The following KHDRBS3 variants were observed in gnomAD, a reference collection of about 807,000 sequenced individuals.
KHDRBS3 encodes KH domain-containing, RNA-binding, signal transduction-associated protein 3.
A neutral mutation model predicts 45.6 loss-of-function variants in KHDRBS3; 23 were observed. The ratio of observed to expected loss-of-function variants is 0.50; its 90% CI spans 0.36 to 0.72. The LOEUF is 0.72. Ranked by LOEUF, KHDRBS3 falls within the 30% of genes least tolerant of loss-of-function variation. KHDRBS3 has a pLI of 0.00. For synonymous variants in KHDRBS3, 162 were observed against 156.5 expected (o/e 1.04, Z -0.26); for missense variants, 352 against 424.8 (o/e 0.83, Z 1.51).
At chr8:135,494,823 G>C (rs1443894386) in intron 1 of KHDRBS3, among the ~76,000 whole-genome samples, 1 of 152,208 alleles carries the variant, frequency 6.6e-6, no homozygotes, top group Non-Finnish European at 1.5e-5. Flanking sequence ...GTGACCTATG[G>C]CTTTGGTTCC....
intron 7 of KHDRBS3, among the ~76,000 whole-genome samples, chr8:135,609,855 C>T (rs1030335047): frequency 3.3e-5 from 5 of 151,618 alleles, no homozygotes; most frequent in African/African-American, 7.3e-5. Flanking sequence ...GTTTATGGTT[C>T]GATTCATTCT....
At chr8:135,499,244 G>A (rs1475558424) in intron 1 of KHDRBS3, among the ~76,000 whole-genome samples, 1 of 152,168 alleles carries the variant, frequency 6.6e-6, no homozygotes, top group Non-Finnish European at 1.5e-5. Context: ...CTTCTATGAG[G>A]CATTGTTTGT....
At chr8:135,512,436 G>GGT (rs536973572) in intron 1 of KHDRBS3, among the ~76,000 whole-genome samples, 16 of 130,108 alleles carry the variant, frequency 1.2e-4, no homozygotes, top group South Asian at 1.1e-3. Context: ...AGTCGGGGGG[G>GGT]GGGTAATAAC....
At chr8:135,493,939 A>G (rs1209624549) in intron 1 of KHDRBS3, among the ~76,000 whole-genome samples, 2 of 152,136 alleles carry the variant, frequency 1.3e-5, no homozygotes, top group Admixed American at 6.5e-5. Context: ...TTTCTCGTAT[A>G]TAGAAGGCCT....
intron 8 of KHDRBS3, among the ~76,000 whole-genome samples, chr8:135,645,410 C>T (rs1264096209): frequency 1.3e-5 from 2 of 152,196 alleles, no homozygotes; most frequent in Non-Finnish European, 2.9e-5. Flanking sequence ...ACTTCAGACA[C>T]TTGATAGCTG....
chr8:135,543,935 A>G (rs1437675356), intron 3 of KHDRBS3, among the ~76,000 whole-genome samples: 1 of 152,186 alleles, frequency 6.6e-6, no homozygotes, highest in Non-Finnish European at 1.5e-5. Flanking sequence ...GAATTTCAGT[A>G]GGTGTTTGAA....
At chr8:135,474,891 T>C (rs535426493) in intron 1 of KHDRBS3, among the ~76,000 whole-genome samples, 1 of 152,332 alleles carries the variant, frequency 6.6e-6, no homozygotes, top group African/African-American at 2.4e-5. Flanking sequence ...GCTGTGCTCC[T>C]TTCTGGAGGC....
At chr8:135,494,955 C>A (rs553814453) in intron 1 of KHDRBS3, among the ~76,000 whole-genome samples, 1 of 152,316 alleles carries the variant, frequency 6.6e-6, no homozygotes, top group South Asian at 2.1e-4. Flanking sequence ...TGTGATAATG[C>A]AAGCAGAGTT....
chr8:135,505,451 C>T (rs1164092678), intron 1 of KHDRBS3, among the ~76,000 whole-genome samples: 1 of 152,116 alleles, frequency 6.6e-6, no homozygotes. Context: ...TAAGACCTCC[C>T]GCCTGCTGAT....
At chr8:135,598,675 C>T (rs1829075035) in intron 6 of KHDRBS3, among the ~76,000 whole-genome samples, 3 of 152,152 alleles carry the variant, frequency 2.0e-5, no homozygotes, top group Non-Finnish European at 4.4e-5. Context: ...TTGTGATATG[C>T]TCATAGTCTA....
intron 5 of KHDRBS3, among the ~76,000 whole-genome samples, chr8:135,565,938 A>T (rs539168173): frequency 1.3e-5 from 2 of 152,280 alleles, no homozygotes; most frequent in Admixed American, 6.5e-5. Flanking sequence ...TTTGTATTTT[A>T]TCCAAAGATT....
intron 5 of KHDRBS3, among the ~76,000 whole-genome samples, chr8:135,577,259 A>G (rs1411236095): frequency 5.9e-5 from 9 of 152,126 alleles, no homozygotes; most frequent in African/African-American, 2.2e-4. Flanking sequence ...TACTTCCTCA[A>G]TAATATTGTG....
At chr8:135,524,856 T>C (rs939274850) in intron 2 of KHDRBS3, among the ~76,000 whole-genome samples, 58 of 152,360 alleles carry the variant, frequency 3.8e-4, no homozygotes, top group African/African-American at 1.4e-3. Context: ...GAATCATATA[T>C]ACATGTATGT....
At chr8:135,535,260 C>T (rs923680963) in intron 2 of KHDRBS3, among the ~76,000 whole-genome samples, 2 of 139,746 alleles carry the variant, frequency 1.4e-5, no homozygotes, top group Non-Finnish European at 3.1e-5. Flanking sequence ...TATATATAAA[C>T]TATTATATAT....
intron 4 of KHDRBS3, among the ~76,000 whole-genome samples, chr8:135,654,616 G>A (rs774089768): frequency 6.6e-6 from 1 of 152,200 alleles, no homozygotes; most frequent in Non-Finnish European, 1.5e-5. Flanking sequence ...CTGGACACTC[G>A]TCTGTGTCTT....
chr8:135,472,226 C>G (rs1300675284), intron 1 of KHDRBS3, among the ~76,000 whole-genome samples: 1 of 152,182 alleles, frequency 6.6e-6, no homozygotes, highest in Non-Finnish European at 1.5e-5. Context: ...AGCCTTGGCT[C>G]TGGTACTCAG....
At chr8:135,484,556 C>G (rs759806332) in intron 1 of KHDRBS3, among the ~76,000 whole-genome samples, 2 of 152,224 alleles carry the variant, frequency 1.3e-5, no homozygotes, top group Non-Finnish European at 1.5e-5. Flanking sequence ...AAAACTTCAC[C>G]TTTGGACATT....
intron 1 of KHDRBS3, among the ~76,000 whole-genome samples, chr8:135,508,822 A>G (rs1824134568): frequency 6.6e-6 from 1 of 152,210 alleles, no homozygotes; most frequent in Non-Finnish European, 1.5e-5. Context: ...TTGGGAAGAC[A>G]GGAACTCCTA....
chr8:135,513,760 C>T (rs193099411), intron 1 of KHDRBS3, among the ~76,000 whole-genome samples: 62 of 152,146 alleles, frequency 4.1e-4, no homozygotes, highest in Middle Eastern at 3.4e-3. Flanking sequence ...GGAAATTGAC[C>T]GGTTACATTA....
Sources: allele counts gnomAD v4.1 joint callset (sites outside exome capture counted in the v4.1 genomes callset), GRCh38; gene constraint gnomAD v4.1.1; transcripts MANE v1.5; gene names NCBI Gene and HGNC (gene_info 2026-07-23, HGNC 2026-07-21).